TMEM45A: variants seen among roughly 807,000 people sequenced by gnomAD.
TMEM45A encodes the protein DNA polymerase-transactivated protein 4.
In TMEM45A, 25 loss-of-function variants were observed where a neutral mutation model predicts 32.0. That is an observed-to-expected ratio of 0.78 (90% CI 0.57 to 1.09). The LOEUF is 1.09. TMEM45A is among the 50% of genes least tolerant of loss of function. TMEM45A has a pLI of 0.00. For synonymous variants in TMEM45A, 122 were observed against 114.8 expected (o/e 1.06, Z -0.40); for missense variants, 302 against 325.0 (o/e 0.93, Z 0.54).
At chr3:100,518,974 A>T (rs1405890681) in intron 1 of TMEM45A, 1 of 152,876 alleles carries the variant, frequency 6.5e-6, no homozygotes, top group Non-Finnish European at 1.5e-5. Flanking sequence ...ATGGTGACTC[A>T]GTAGTGCCTC....
intron 1 of TMEM45A, among the ~76,000 whole-genome samples, chr3:100,505,531 C>T (rs1180704048): frequency 6.6e-6 from 1 of 152,162 alleles, no homozygotes; most frequent in African/African-American, 2.4e-5. Flanking sequence ...TGCGTCTTTG[C>T]CAAGCATCCC....
chr3:100,565,396 C>T (rs959407929), intron 4 of TMEM45A, among the ~76,000 whole-genome samples: 4 of 152,002 alleles, frequency 2.6e-5, no homozygotes, highest in South Asian at 2.1e-4. Context: ...TAGTTTTCCC[C>T]GACTTACTCT....
At chr3:100,570,499 A>G (rs1159105418) in intron 5 of TMEM45A, 1 of 152,234 alleles carries the variant, frequency 6.6e-6, no homozygotes, top group Non-Finnish European at 1.5e-5. Context: ...AGGAAATTCC[A>G]CCTTCTCATT....
Position 100,515,677 on chromosome 3 carries a change from A to T in TMEM45A, c.-4+22749A>T, listed in dbSNP as rs115958702. On this transcript the variant is annotated intron_variant, in intron 1 of 5. Transcript: ENST00000323523. The stretch of plus-strand genomic sequence containing the variant: ...ACTATTGAGCCACAAAAAGAATGAA[A>T]TCCTGTCATTTGTAGCAACATTGAT... Among the ~76,000 whole-genome samples the T allele has an allele frequency of 3.0e-3, 460 of 152,234 alleles. 2 individuals are homozygous for T. The highest frequency in any genetic ancestry group is 9.7e-3 in the African/African-American group (403 of 41,548).
intron 1 of TMEM45A, among the ~76,000 whole-genome samples, chr3:100,515,631 T>TAA (rs78493832): frequency 6.7e-5 from 9 of 134,898 alleles, no homozygotes; most frequent in Non-Finnish European, 8.3e-5. Flanking sequence ...AGTATAATAA[T>TAA]AAAAAAAAAA....
At chr3:100,566,859 A>G (rs1706451654) in intron 4 of TMEM45A, among the ~76,000 whole-genome samples, 1 of 152,068 alleles carries the variant, frequency 6.6e-6, no homozygotes, top group Non-Finnish European at 1.5e-5. Context: ...GTTAAGTTTT[A>G]GGAATTCTTT....
intron 1 of TMEM45A, among the ~76,000 whole-genome samples, chr3:100,502,211 CT>C (rs199727846): frequency 0.2 from 28,506 of 145,628 alleles, 2,863 homozygotes; most frequent in East Asian, 0.29. Flanking sequence ...AGGTATGGAT[CT>C]TTTTTTTTTT....
intron 1 of TMEM45A, among the ~76,000 whole-genome samples, chr3:100,501,301 A>G: frequency 6.6e-6 from 1 of 152,168 alleles, no homozygotes; most frequent in East Asian, 1.9e-4. Context: ...TAAAAAATAC[A>G]CCCATGCTTG....
intron 1 of TMEM45A, among the ~76,000 whole-genome samples, chr3:100,548,643 C>T (rs1234323198): frequency 6.6e-6 from 1 of 152,184 alleles, no homozygotes; most frequent in Non-Finnish European, 1.5e-5. Context: ...TTAACACCTC[C>T]ATAGAACTTG....
intron 1 of TMEM45A, among the ~76,000 whole-genome samples, chr3:100,510,214 T>C (rs1252885640): frequency 2.0e-5 from 3 of 152,200 alleles, no homozygotes; most frequent in African/African-American, 4.8e-5. Flanking sequence ...GACTTAAATG[T>C]CCCTGTCTGA....
intron 1 of TMEM45A, among the ~76,000 whole-genome samples, chr3:100,500,181 A>G (rs1373438179): frequency 2.0e-5 from 3 of 152,188 alleles, no homozygotes; most frequent in Non-Finnish European, 4.4e-5. Context: ...ATTCACAGGT[A>G]TAGATTTAAA....
At chr3:100,536,208 A>G (rs548765825) in intron 1 of TMEM45A, among the ~76,000 whole-genome samples, 1 of 152,312 alleles carries the variant, frequency 6.6e-6, no homozygotes, top group South Asian at 2.1e-4. Flanking sequence ...TTAGATGTCA[A>G]TAGTGCCATT....
chr3:100,539,444 T>TATGCATATGCATATGC (rs1559644487), intron 1 of TMEM45A, among the ~76,000 whole-genome samples: 18 of 90,616 alleles, frequency 2.0e-4, no homozygotes, highest in South Asian at 3.6e-4. Context: ...TATGTATATG[T>TATGCATATGCATATGC]ATATGTATAT....
At chr3:100,529,895 G>A (rs1303346992) in intron 1 of TMEM45A, among the ~76,000 whole-genome samples, 1 of 152,060 alleles carries the variant, frequency 6.6e-6, no homozygotes. Context: ...TGGGGGTTAT[G>A]GGTGTGAGCC....
chr3:100,520,157 T>G (rs919951727), intron 1 of TMEM45A, among the ~76,000 whole-genome samples: 3 of 152,152 alleles, frequency 2.0e-5, no homozygotes, highest in Non-Finnish European at 4.4e-5. Context: ...TATGGGTATA[T>G]TAAAAGGGAA....
At chr3:100,566,156 T>A (rs1172545538) in intron 4 of TMEM45A, among the ~76,000 whole-genome samples, 1 of 142,578 alleles carries the variant, frequency 7.0e-6, no homozygotes, top group African/African-American at 2.8e-5. Context: ...TGCATTTTGC[T>A]TATCCATATC....
intron 1 of TMEM45A, among the ~76,000 whole-genome samples, chr3:100,534,561 C>T (rs895219848): frequency 2.0e-5 from 3 of 152,198 alleles, no homozygotes. Flanking sequence ...GGATTCTCCC[C>T]TGCAGCCCCG....
intron 1 of TMEM45A, among the ~76,000 whole-genome samples, chr3:100,495,515 C>T (rs1707912441): frequency 6.6e-6 from 1 of 152,088 alleles, no homozygotes; most frequent in East Asian, 1.9e-4. Flanking sequence ...GAAGGGACAG[C>T]ATAAATTACC....
intron 1 of TMEM45A, among the ~76,000 whole-genome samples, chr3:100,500,109 C>G (rs138092253): frequency 6.6e-6 from 1 of 152,164 alleles, no homozygotes; most frequent in Non-Finnish European, 1.5e-5. Flanking sequence ...CCACTACTCT[C>G]CCCACAATTA....
Sources: gnomAD v4.1 joint callset for allele counts (sites outside exome capture counted in the v4.1 genomes callset) on GRCh38, gnomAD v4.1.1 for gene constraint, MANE v1.5 for transcripts, NCBI Gene and HGNC (gene_info 2026-07-23, HGNC 2026-07-21) for gene names.